CCDC178: variants seen among roughly 807,000 people sequenced by gnomAD.
The protein encoded by CCDC178 is coiled-coil domain containing 178, also known as coiled-coil domain-containing protein 178.
Under a neutral mutation model 117.4 loss-of-function variants are expected in CCDC178, and 126 were observed. The observed-to-expected ratio is 1.07, with a 90% confidence interval of 0.93 to 1.24. The LOEUF (loss-of-function observed/expected upper bound fraction) is 1.24. Among genes scored for constraint, CCDC178 ranks in the 50% most tolerant of loss-of-function variants. The pLI is 0.00. For missense variants in CCDC178, 1,030 were observed against 986.9 expected (o/e 1.04, Z -0.59); for synonymous variants, 283 against 313.4 (o/e 0.90, Z 1.02).
intron 20 of CCDC178, among the ~76,000 whole-genome samples, chr18:33,126,591 T>C (rs1353501977): frequency 1.3e-5 from 2 of 151,910 alleles, no homozygotes; most frequent in African/African-American, 2.4e-5. Flanking sequence ...GTGGAACTCA[T>C]GTATATGAAA....
At chr18:33,278,091 T>C (rs2144809835) in intron 12 of CCDC178, among the ~76,000 whole-genome samples, 1 of 152,092 alleles carries the variant, frequency 6.6e-6, no homozygotes, top group Non-Finnish European at 1.5e-5. Context: ...ATCTCTAATG[T>C]CCAAAATCTC....
At chr18:32,991,147 A>G (rs1370860108) in intron 21 of CCDC178, among the ~76,000 whole-genome samples, 1 of 152,022 alleles carries the variant, frequency 6.6e-6, no homozygotes, top group Non-Finnish European at 1.5e-5. Context: ...GACTGGAAAA[A>G]AGATTCTTAG....
At chr18:33,108,250 C>T (rs271438) in intron 20 of CCDC178, among the ~76,000 whole-genome samples, 24,285 of 151,432 alleles carry the variant, frequency 0.16, 2,726 homozygotes, top group African/African-American at 0.32. Flanking sequence ...GCTTATTTTA[C>T]TGTGTAAAGT....
rs575392464 is a variant in CCDC178, at chr18:33,243,203, G to A, written c.1593+2042C>T. ...TCATATGTGAAAACGAACCAAAATT[G>A]ATCTCACAAAAGTAAAAAGTAGAAC... On this transcript the variant is annotated intron_variant, in intron 15 of 22. Coordinates refer to ENST00000383096, the MANE Select transcript of CCDC178 (RefSeq NM_001105528.4). Among the ~76,000 whole-genome samples, 3 of 151,872 alleles carry A rather than the reference G, an allele frequency of 2.0e-5. No individual in the cohort carries two copies. In the South Asian group the frequency reaches 6.2e-4, roughly 32 times the overall value.
chr18:33,272,041 A>G (rs1568105379), intron 12 of CCDC178, among the ~76,000 whole-genome samples: 3 of 151,474 alleles, frequency 2.0e-5, no homozygotes, highest in Admixed American at 6.6e-5. Context: ...TAAAAGAATG[A>G]AAATTAATTT....
Position 33,010,555 on chromosome 18 carries a change from C to T in CCDC178, c.2389-35874G>A, listed in dbSNP as rs143558901. ...CAGAAAACACATCTCAGTCTAGCTG[C>T]CTTAGGTGGCAAATTTTTGGCATGC... On this transcript the variant is annotated intron_variant, in intron 21 of 22. Transcript: ENST00000383096. 8.9e-4 allele frequency among the ~76,000 whole-genome samples: 135 copies of T among 152,192 alleles called. 1 individual carries two copies. Among genetic ancestry groups the T allele is most frequent in the African/African-American group, 3.0e-3 (124 of 41,518 alleles).
intron 22 of CCDC178, among the ~76,000 whole-genome samples, chr18:32,961,105 G>C (rs1325425155): frequency 6.6e-6 from 1 of 151,950 alleles, no homozygotes; most frequent in Non-Finnish European, 1.5e-5. Context: ...TGTCAATTAG[G>C]GCAAGTTGGT....
intron 19 of CCDC178, among the ~76,000 whole-genome samples, chr18:33,213,498 G>A (rs1341411038): frequency 6.6e-6 from 1 of 151,858 alleles, no homozygotes; most frequent in African/African-American, 2.4e-5. Flanking sequence ...AATTCACACA[G>A]GAAGGAGCTA....
chr18:33,411,448 C>T (rs552744115), intron 3 of CCDC178, among the ~76,000 whole-genome samples: 1 of 151,878 alleles, frequency 6.6e-6, no homozygotes, highest in African/African-American at 2.4e-5. Context: ...CAGATTTGGG[C>T]AATGGGCTAT....
chr18:33,095,542 C>G (rs1229999011), intron 20 of CCDC178, among the ~76,000 whole-genome samples: 1 of 151,868 alleles, frequency 6.6e-6, no homozygotes, highest in Middle Eastern at 3.2e-3. Flanking sequence ...TTTGTTCGCC[C>G]TAAGAGATGT....
At chr18:33,418,530 A>G (rs995345371) in intron 2 of CCDC178, among the ~76,000 whole-genome samples, 3 of 152,110 alleles carry the variant, frequency 2.0e-5, no homozygotes, top group Non-Finnish European at 2.9e-5. Context: ...GCATCCAAAT[A>G]GAGAGAGGGC....
chr18:33,348,918 C>T lies in CCDC178; in HGVS notation c.429G>A (p.Val143=), dbSNP rs2062932299. 6.2e-7 allele frequency: 1 copy of T among 1,610,558 alleles called. No homozygotes were observed. Among genetic ancestry groups the T allele is most frequent in the African/African-American group, 1.3e-5 (1 of 74,896 alleles). ...TCTTTTCTCCTGGTTTGACCTCTTT[C>T]ACTGGTGTAGTTACACTCCAATCTT... is the stretch of plus-strand genomic sequence containing the variant. ...LKEDWSVTTP[V]KEVKPGEKRD... Residue 143 remains valine, a synonymous_variant, in exon 8 of 23, where the codon GTG becomes GTA. Transcript: ENST00000383096.
intron 5 of CCDC178, among the ~76,000 whole-genome samples, chr18:33,384,479 T>C (rs1224184002): frequency 6.6e-6 from 1 of 152,128 alleles, no homozygotes; most frequent in African/African-American, 2.4e-5. Flanking sequence ...CAAGGTCGTC[T>C]ACAAAGGGCA....
At chr18:33,123,504 T>C (rs777774869) in intron 20 of CCDC178, among the ~76,000 whole-genome samples, 1 of 152,062 alleles carries the variant, frequency 6.6e-6, no homozygotes, top group East Asian at 1.9e-4. Context: ...ATTTAAATGA[T>C]TGAAAAATAA....
chr18:33,044,171 T>C (rs577202031), intron 21 of CCDC178, among the ~76,000 whole-genome samples: 7 of 151,996 alleles, frequency 4.6e-5, no homozygotes, highest in African/African-American at 1.7e-4. Flanking sequence ...TAAAATGGCA[T>C]TTATAATACA....
chr18:33,299,713 T>C (rs1245205513), intron 11 of CCDC178, among the ~76,000 whole-genome samples: 3 of 150,898 alleles, frequency 2.0e-5, no homozygotes, highest in Non-Finnish European at 1.5e-5. Flanking sequence ...ATATTTGCAA[T>C]CTATTAATCA....
At chr18:33,062,898 T>G (rs571966737) in intron 21 of CCDC178, among the ~76,000 whole-genome samples, 1 of 152,186 alleles carries the variant, frequency 6.6e-6, no homozygotes, top group Admixed American at 6.5e-5. Flanking sequence ...CTAGCAGAAC[T>G]CCAGCCCACA....
chr18:33,225,158 T>G (rs911467717), intron 16 of CCDC178, among the ~76,000 whole-genome samples: 39 of 150,908 alleles, frequency 2.6e-4, no homozygotes, highest in Admixed American at 1.3e-4. Flanking sequence ...ATATAATATA[T>G]ATATGCTTTT....
At chr18:33,137,506 C>T (rs1007887140) in intron 20 of CCDC178, among the ~76,000 whole-genome samples, 14 of 152,238 alleles carry the variant, frequency 9.2e-5, no homozygotes, top group Middle Eastern at 3.4e-3. Flanking sequence ...TCTGAGCTGA[C>T]GTTTGTTCTA....
Sources: gnomAD v4.1 joint callset for allele counts (sites outside exome capture counted in the v4.1 genomes callset) on GRCh38, gnomAD v4.1.1 for gene constraint, MANE v1.5 for transcripts, NCBI Gene and HGNC (gene_info 2026-07-23, HGNC 2026-07-21) for gene names.